Variants in SREBF2 observed in about 807,000 individuals in gnomAD.
SREBF2 encodes the protein sterol regulatory element binding transcription factor 2, also known as sterol regulatory element-binding protein 2.
SREBF2 carries 55 observed loss-of-function variants against 113.1 expected under a neutral mutation model. The observed-to-expected ratio is 0.49, with a 90% confidence interval of 0.39 to 0.61. The LOEUF is 0.61. SREBF2 is among the 20% of genes least tolerant of loss of function. SREBF2 has a pLI of 0.00. For missense variants in SREBF2, 1,349 were observed against 1,487.4 expected, an observed-to-expected ratio of 0.91 and a Z score of 1.53; for synonymous variants, 593 against 605.7, an observed-to-expected ratio of 0.98 and a Z score of 0.31.
At chr22:41,884,457 A>G (rs956683888) in intron 10 of SREBF2, among the ~76,000 whole-genome samples, 9 of 152,174 alleles carry the variant, frequency 5.9e-5, no homozygotes, top group African/African-American at 1.7e-4. Context: ...AGGTTTTTTA[A>G]TGAAAATAAA....
chr22:41,877,786 A>G (rs571068949), intron 8 of SREBF2, among the ~76,000 whole-genome samples, 156 bp from the exon 9 acceptor site: 2 of 152,308 alleles, frequency 1.3e-5, no homozygotes, highest in East Asian at 1.9e-4. Flanking sequence ...GAGAAGGGCT[A>G]CAGTCATTAG....
chr22:41,893,615 T>C (rs1337916328), intron 12 of SREBF2, among the ~76,000 whole-genome samples: 1 of 152,118 alleles, frequency 6.6e-6, no homozygotes, highest in African/African-American at 2.4e-5. Context: ...TTGGGCACTT[T>C]GGAGACACAA....
intron 1 of SREBF2, among the ~76,000 whole-genome samples, chr22:41,851,373 A>G (rs1425125353): frequency 6.6e-6 from 1 of 151,968 alleles, no homozygotes; most frequent in Non-Finnish European, 1.5e-5. Flanking sequence ...AAAAAAAACT[A>G]TGGAAAGTCG....
chr22:41,889,382 C>G (rs1156869241), intron 11 of SREBF2, among the ~76,000 whole-genome samples: 2 of 152,160 alleles, frequency 1.3e-5, no homozygotes, highest in Admixed American at 6.5e-5. Context: ...CCACCTCAGC[C>G]TCTCAAAGTG....
chr22:41,865,714 G>T (rs1270455456), intron 1 of SREBF2, among the ~76,000 whole-genome samples: 2 of 152,206 alleles, frequency 1.3e-5, no homozygotes, highest in Non-Finnish European at 2.9e-5. Flanking sequence ...ACAAGGGCTA[G>T]CATGGGCCCT....
At chr22:41,900,568 C>T in intron 16 of SREBF2, 70 bp downstream of exon 16, 1 of 1,502,914 alleles carries the variant, frequency 6.7e-7, no homozygotes, top group South Asian at 1.2e-5. Flanking sequence ...TCCCACTCAC[C>T]TCATGCTGAC....
At position 41,874,006 on chromosome 22, in the gene SREBF2, G is replaced by A. The variant is rs1281524202; in HGVS notation, c.1076G>A (p.Gly359Glu). 4 of 1,614,108 alleles carry A rather than the reference G, an allele frequency of 2.5e-6. No homozygotes were observed. The highest frequency in any genetic ancestry group is 2.2e-5 in the East Asian group (1 of 44,886). The change falls in exon 5 of 19, where the codon GGG becomes GAG. Residue 359 changes from glycine (G) to glutamate (E), a missense_variant. Around this residue, in one of 2 missense-constraint regions of SREBF2, gnomAD observed 699 missense variants for 843.3 expected, o/e 0.83. Transcript: ENST00000361204. The stretch of plus-strand genomic sequence containing the variant: ...ATCGAATTGAAAGACCTGGTCATGG[G>A]GACAGACGCCAAGGTGGGTGCCAAG... The part of the protein sequence containing the change: ...KIIELKDLVM[G>E]TDAKMHKSGV...
chr22:41,852,728 ATTTTTTTTTTTTTTTTT>A (rs544824099), intron 1 of SREBF2, among the ~76,000 whole-genome samples: 635 of 40,508 alleles, frequency 0.016, 21 homozygotes, highest in African/African-American at 0.046. Context: ...TCTCAGAATG[ATTTTTTTTTTTTTTTTT>A]TTTTTTTTTT....
intron 4 of SREBF2, among the ~76,000 whole-genome samples, chr22:41,873,122 G>T (rs1266691597): frequency 4.0e-5 from 6 of 151,416 alleles, no homozygotes; most frequent in Admixed American, 6.6e-5. Flanking sequence ...ACTTGAAGCT[G>T]GGAGGCAGAG....
intron 4 of SREBF2, among the ~76,000 whole-genome samples, chr22:41,871,832 G>A (rs1408249885): frequency 6.7e-6 from 1 of 150,026 alleles, no homozygotes; most frequent in Non-Finnish European, 1.5e-5. Context: ...CTGAGAGGTG[G>A]AAGCTGCAGT....
chr22:41,841,158 C>T (rs2076827031), intron 1 of SREBF2, among the ~76,000 whole-genome samples: 1 of 152,066 alleles, frequency 6.6e-6, no homozygotes, highest in Non-Finnish European at 1.5e-5. Context: ...GTCAGCACAC[C>T]CCTAGGAGGT....
At position 41,903,150 on chromosome 22, in the gene SREBF2, C is replaced by T. The variant is rs761111632; in HGVS notation, c.3088C>T (p.Arg1030Cys). 26 of 1,551,660 alleles carry T rather than the reference C, an allele frequency of 1.7e-5. No individual in the cohort carries two copies. Among genetic ancestry groups the T allele is most frequent in the East Asian group, 4.9e-5 (2 of 41,022 alleles). Residue 1030 changes from arginine (R) to cysteine (C), a missense_variant, in exon 17 of 19, where the codon CGC (arginine) becomes TGC (cysteine). This residue lies in a region of SREBF2 where 650 missense variants were observed against 644.1 expected (regional missense o/e 1.01). Transcript: ENST00000361204. ...RLAHSFRPAY[R>C]KVFLHEATVR... ...GGCACACAGCTTCCGCCCAGCATAC[C>T]GCAAGGTGAGGCCCAGCTGGCTGGT...
chr22:41,855,148 A>G (rs113134138), intron 1 of SREBF2, among the ~76,000 whole-genome samples: 11 of 152,276 alleles, frequency 7.2e-5, no homozygotes, highest in African/African-American at 2.6e-4. Flanking sequence ...AGATAACAGG[A>G]TGACAAATGG....
At chr22:41,880,115 C>T (rs1482771447) in intron 9 of SREBF2, among the ~76,000 whole-genome samples, 1 of 152,170 alleles carries the variant, frequency 6.6e-6, no homozygotes, top group Non-Finnish European at 1.5e-5. Context: ...GATTCAGTAG[C>T]CCTGGGGTAA....
chr22:41,870,286 G>T (rs2077127519), intron 3 of SREBF2, among the ~76,000 whole-genome samples: 1 of 152,062 alleles, frequency 6.6e-6, no homozygotes, highest in Admixed American at 6.6e-5. Flanking sequence ...CTCTGCTCCT[G>T]CTGGGCCACT....
chr22:41,891,828 G>A (rs2077366064), intron 11 of SREBF2, among the ~76,000 whole-genome samples: 1 of 152,152 alleles, frequency 6.6e-6, no homozygotes, highest in African/African-American at 2.4e-5. Flanking sequence ...CCTGTTTCGG[G>A]GAGTGGTTAT....
intron 1 of SREBF2, among the ~76,000 whole-genome samples, chr22:41,852,308 T>C (rs1449483311): frequency 6.6e-6 from 1 of 151,912 alleles, no homozygotes; most frequent in South Asian, 2.1e-4. Flanking sequence ...TATTCCCATA[T>C]TTACAATTAA....
chr22:41,887,543 C>T (rs1268928060), intron 11 of SREBF2, among the ~76,000 whole-genome samples: 3 of 152,110 alleles, frequency 2.0e-5, no homozygotes, highest in Non-Finnish European at 4.4e-5. Flanking sequence ...GTGTAAGAAT[C>T]ATTATGTTGT....
intron 13 of SREBF2, 120 bp from the exon 14 acceptor site, chr22:41,896,932 G>A: frequency 1.4e-6 from 1 of 709,754 alleles, no homozygotes; most frequent in South Asian, 1.5e-5. Flanking sequence ...TGCCTGGGAT[G>A]ACAGGAAAGG....
Sources: gnomAD v4.1 joint callset for allele counts (sites outside exome capture counted in the v4.1 genomes callset) on GRCh38, gnomAD v4.1.1 for gene constraint, gnomAD v4.1.1 regional missense constraint, MANE v1.5 for transcripts, NCBI Gene and HGNC (gene_info 2026-07-23, HGNC 2026-07-21) for gene names.